MID1: variants seen among roughly 807,000 people sequenced by gnomAD.
MID1 encodes the protein E3 ubiquitin-protein ligase Midline-1.
MID1 carries 7 observed loss-of-function variants against 40.4 expected under a neutral mutation model. The observed-to-expected ratio is 0.17, with a 90% confidence interval of 0.10 to 0.33. The LOEUF (loss-of-function observed/expected upper bound fraction) is 0.33. Among genes scored for constraint, MID1 ranks in the 10% least tolerant of loss-of-function variants. MID1 has a pLI of 1.00. For synonymous variants in MID1, 229 were observed against 221.2 expected (o/e 1.04, Z -0.31); for missense variants, 367 against 558.5 (o/e 0.66, Z 3.46).
At chrX:10,638,206 G>A (rs1451456728) in intron 1 of MID1, among the ~76,000 whole-genome samples, 2 of 111,931 alleles carry the variant, frequency 1.8e-5, no homozygotes, top group African/African-American at 6.5e-5. Flanking sequence ...GCAGGGCAGG[G>A]CGTTGCCTCA....
chrX:10,733,063 C>G (rs890638887), intron 1 of MID1, among the ~76,000 whole-genome samples: 13 of 110,208 alleles, frequency 1.2e-4, no homozygotes, highest in Admixed American at 3.9e-4. Flanking sequence ...GGGGTTTCAC[C>G]GTGTTAGCCA....
At chrX:10,469,662 C>T (rs773377338) in intron 7 of MID1, 35 bp downstream of exon 7, 3 of 1,209,610 alleles carry the variant, frequency 2.5e-6, no homozygotes, top group African/African-American at 3.5e-5. Context: ...AGAAAGCCAC[C>T]AAAGACAGAA....
chrX:10,668,010 A>G (rs767320190), intron 1 of MID1, among the ~76,000 whole-genome samples: 1 of 112,343 alleles, frequency 8.9e-6, no homozygotes, highest in South Asian at 3.7e-4. Context: ...AAAGGCATGT[A>G]TTGCATGGTT....
rs771643151 is a variant in MID1, at chrX:10,596,267, A to G, written c.-57+24023T>C. On this transcript the variant is annotated intron_variant, in intron 1 of 9. Coordinates refer to ENST00000317552, the MANE Select transcript of MID1 (RefSeq NM_000381.4). The stretch of plus-strand genomic sequence containing the variant: ...GCTTTAAACATAAGAGAAAATTAGG[A>G]GAAAGACCTAAGACTGGATTACTTC... Among the ~76,000 whole-genome samples the G allele has an allele frequency of 9.5e-4, 106 of 111,185 alleles. 1 individual carries two copies. Among genetic ancestry groups the G allele is most frequent in the Non-Finnish European group, 1.4e-3 (73 of 52,990 alleles).
chrX:10,507,965 C>T (rs1193257075), intron 3 of MID1, among the ~76,000 whole-genome samples: 3 of 112,002 alleles, frequency 2.7e-5, no homozygotes, highest in East Asian at 5.6e-4. Flanking sequence ...ATCTTTGCAA[C>T]AGTGTTAGTA....
intron 1 of MID1, among the ~76,000 whole-genome samples, chrX:10,570,085 G>A (rs916276309): frequency 8.9e-6 from 1 of 112,028 alleles, no homozygotes; most frequent in African/African-American, 3.3e-5. Context: ...ATTTCACCCA[G>A]AGAGAAATTC....
intron 1 of MID1, among the ~76,000 whole-genome samples, chrX:10,592,958 G>C (rs1935339517): frequency 8.9e-6 from 1 of 111,992 alleles, no homozygotes. Flanking sequence ...TCATTAAAAA[G>C]ACCTTTTTTC....
At chrX:10,638,225 G>A (rs1388363932) in intron 1 of MID1, among the ~76,000 whole-genome samples, 1 of 112,036 alleles carries the variant, frequency 8.9e-6, no homozygotes, top group Non-Finnish European at 1.9e-5. Flanking sequence ...CACCTGGGAA[G>A]CACAAGGGGT....
At chrX:10,718,145 G>T (rs1226463309) in intron 1 of MID1, among the ~76,000 whole-genome samples, 1 of 111,483 alleles carries the variant, frequency 9.0e-6, no homozygotes, top group South Asian at 3.8e-4. Flanking sequence ...AACTAGAAAA[G>T]CAAGAGCAAA....
At chrX:10,455,440 C>T (rs1376006118) in intron 8 of MID1, among the ~76,000 whole-genome samples, 1 of 111,682 alleles carries the variant, frequency 9.0e-6, no homozygotes, top group African/African-American at 3.3e-5. Context: ...TATTCAACAA[C>T]AGCATGGATA....
chrX:10,633,610 C>A (rs1936076443), intron 1 of MID1, among the ~76,000 whole-genome samples: 1 of 110,528 alleles, frequency 9.0e-6, no homozygotes, highest in Non-Finnish European at 1.9e-5. Flanking sequence ...CACCACCATG[C>A]CTGGCTAATT....
At chrX:10,496,518 G>A (rs1226422926) in intron 3 of MID1, among the ~76,000 whole-genome samples, 1 of 112,627 alleles carries the variant, frequency 8.9e-6, no homozygotes, top group Admixed American at 9.4e-5. Flanking sequence ...AGAAACCACA[G>A]CTGTGAGAGA....
At chrX:10,592,647 T>C (rs186644750) in intron 1 of MID1, among the ~76,000 whole-genome samples, 1 of 110,354 alleles carries the variant, frequency 9.1e-6, no homozygotes, top group Non-Finnish European at 1.9e-5. Context: ...TGTATATATA[T>C]AGAGAGAGTA....
chrX:10,461,701 T>C (rs1025128041), intron 7 of MID1, among the ~76,000 whole-genome samples: 1 of 111,992 alleles, frequency 8.9e-6, no homozygotes, highest in African/African-American at 3.2e-5. Flanking sequence ...TTTTCTATTA[T>C]GTAGGATAGT....
chrX:10,571,428 A>C (rs1379329463), intron 1 of MID1, among the ~76,000 whole-genome samples: 1 of 109,172 alleles, frequency 9.2e-6, no homozygotes, highest in Non-Finnish European at 1.9e-5. Flanking sequence ...GAAACTTAGT[A>C]TGGTTTATTT....
At chrX:10,692,110 C>A (rs975354327) in intron 1 of MID1, among the ~76,000 whole-genome samples, 1 of 111,809 alleles carries the variant, frequency 8.9e-6, no homozygotes, top group Non-Finnish European at 1.9e-5. Context: ...CATGGACCCT[C>A]ATCAGTAATT....
At chrX:10,710,118 C>T (rs1477483224) in intron 1 of MID1, among the ~76,000 whole-genome samples, 3 of 111,614 alleles carry the variant, frequency 2.7e-5, no homozygotes, top group Non-Finnish European at 5.6e-5. Flanking sequence ...ATTGTTATTA[C>T]AGGTGTGGGA....
At chrX:10,761,916 C>T (rs183288679) in intron 1 of MID1, among the ~76,000 whole-genome samples, 20 of 111,948 alleles carry the variant, frequency 1.8e-4, no homozygotes, top group East Asian at 1.7e-3. Flanking sequence ...TATAATGATA[C>T]GTTAATATTA....
upstream of MID1, among the ~76,000 whole-genome samples, chrX:10,625,332 A>G (rs1016954933): frequency 1.8e-5 from 2 of 112,292 alleles, no homozygotes; most frequent in Non-Finnish European, 1.9e-5. Context: ...GATATTCACC[A>G]TATATGTTCA....
Sources: gnomAD v4.1 joint callset for allele counts (sites outside exome capture counted in the v4.1 genomes callset) on GRCh38, gnomAD v4.1.1 for gene constraint, MANE v1.5 for transcripts, NCBI Gene and HGNC (gene_info 2026-07-23, HGNC 2026-07-21) for gene names.